Variants in TRHDE observed in about 807,000 individuals in gnomAD.
TRHDE encodes the protein thyrotropin-releasing hormone-degrading ectoenzyme.
Under a neutral mutation model 125.7 loss-of-function variants are expected in TRHDE, and 72 were observed. The ratio of observed to expected loss-of-function variants is 0.57; its 90% confidence interval spans 0.47 to 0.70. The LOEUF is 0.70. TRHDE is among the 30% of genes least tolerant of loss of function. TRHDE has a pLI of 0.00. For missense variants in TRHDE, 1,110 were observed against 1,327.1 expected, an observed-to-expected ratio of 0.84 and a Z score of 2.54; for synonymous variants, 509 against 509.1, an observed-to-expected ratio of 1.00 and a Z score of 0.00.
intron 2 of TRHDE, among the ~76,000 whole-genome samples, chr12:72,266,468 T>C (rs1408882609): frequency 6.6e-6 from 1 of 151,728 alleles, no homozygotes; most frequent in Non-Finnish European, 1.5e-5. Context: ...AATAATAATG[T>C]TGTCAGGTTT....
intron 2 of TRHDE, among the ~76,000 whole-genome samples, chr12:72,360,112 G>T (rs1417995992): frequency 1.3e-5 from 2 of 151,706 alleles, no homozygotes; most frequent in Non-Finnish European, 2.9e-5. Context: ...ATGAATGGAA[G>T]GCCTGACTTT....
chr12:72,592,708 C>CTT (rs35446767), intron 12 of TRHDE, among the ~76,000 whole-genome samples: 147 of 144,602 alleles, frequency 1.0e-3, no homozygotes, highest in African/African-American at 3.1e-3. Context: ...TCTTTTCTTT[C>CTT]TTTTTTTTTT....
intron 6 of TRHDE, among the ~76,000 whole-genome samples, chr12:72,521,356 G>A (rs1879184866): frequency 6.6e-6 from 1 of 152,048 alleles, no homozygotes; most frequent in Non-Finnish European, 1.5e-5. Flanking sequence ...CTGAATTTGA[G>A]CCAACAGCAT....
At chr12:72,439,508 T>G (rs1313625778) in intron 3 of TRHDE, among the ~76,000 whole-genome samples, 1 of 150,936 alleles carries the variant, frequency 6.6e-6, no homozygotes, top group African/African-American at 2.4e-5. Context: ...GATCTTTCAC[T>G]TCCTTGGTTA....
chr12:72,242,370 G>A (rs573528429), intron 2 of TRHDE, among the ~76,000 whole-genome samples: 87 of 152,254 alleles, frequency 5.7e-4, no homozygotes, highest in African/African-American at 1.8e-3. Context: ...CAACTCCACG[G>A]CCAAGCCTCA....
In TRHDE at chr12:72,156,922, G is replaced by A. The variant is rs568825150; in HGVS notation, n.279+51170G>A. 1.2e-4 allele frequency among the ~76,000 whole-genome samples: 18 copies of A among 152,222 alleles called. No individual in the cohort carries two copies. In the South Asian group the frequency reaches 2.7e-3, roughly 23 times the overall value. On this transcript the variant is annotated intron_variant and non_coding_transcript_variant, in intron 2 of 4. Coordinates refer to the TRHDE transcript ENST00000548156. ...GCATCACATAATAGAATGTTTGGTA[G>A]CAATGCATGTGAAAATTAAAGCAGG...
intron 2 of TRHDE, among the ~76,000 whole-genome samples, chr12:72,309,033 G>A (rs998900212): frequency 2.6e-5 from 4 of 151,866 alleles, no homozygotes; most frequent in African/African-American, 7.3e-5. Flanking sequence ...GTACGGGATG[G>A]CACCCTTTTA....
intron 5 of TRHDE, among the ~76,000 whole-genome samples, chr12:72,473,516 T>A (rs1401293110): frequency 3.9e-5 from 6 of 152,002 alleles, no homozygotes; most frequent in South Asian, 4.1e-4. Context: ...ACAGAATATA[T>A]CAAACAGAAA....
chr12:72,148,819 A>T (rs1175294157), intron 2 of TRHDE, among the ~76,000 whole-genome samples: 1 of 152,218 alleles, frequency 6.6e-6, no homozygotes, highest in Non-Finnish European at 1.5e-5. Flanking sequence ...ATTTGACTAC[A>T]TCCTGCAACT....
intron 6 of TRHDE, among the ~76,000 whole-genome samples, chr12:72,523,479 T>C (rs1443246625): frequency 1.3e-5 from 2 of 152,182 alleles, no homozygotes; most frequent in Middle Eastern, 3.2e-3. Flanking sequence ...TGCTTACTTA[T>C]AGGTTCCTAG....
chr12:72,401,674 C>T (rs1242716123), intron 3 of TRHDE, among the ~76,000 whole-genome samples: 5 of 152,120 alleles, frequency 3.3e-5, no homozygotes, highest in Non-Finnish European at 7.3e-5. Flanking sequence ...TTTTTTATAT[C>T]ATCTTATAAT....
At chr12:72,274,947 G>A (rs1689395746) in intron 1 of TRHDE, 1 of 152,196 alleles carries the variant, frequency 6.6e-6, no homozygotes, top group South Asian at 2.1e-4. Context: ...TTCCCACATT[G>A]CTAAGATAAC....
At chr12:72,125,739 A>G (rs1875698255) in intron 2 of TRHDE, among the ~76,000 whole-genome samples, 1 of 152,250 alleles carries the variant, frequency 6.6e-6, no homozygotes. Context: ...ACTAGACAGA[A>G]TAGTTTAGCC....
chr12:72,583,089 CATTT>C (rs1371453039), intron 12 of TRHDE, among the ~76,000 whole-genome samples: 1 of 152,146 alleles, frequency 6.6e-6, no homozygotes, highest in African/African-American at 2.4e-5. Flanking sequence ...GTATTAGATT[CATTT>C]GAGAGTGGCG....
chr12:72,634,662 C>T (rs1200201254), intron 15 of TRHDE, among the ~76,000 whole-genome samples: 2 of 143,782 alleles, frequency 1.4e-5, no homozygotes, highest in African/African-American at 5.1e-5. Context: ...TCCCCCCAAC[C>T]CACAACAGTC....
At chr12:72,246,549 G>C (rs549222328) in intron 2 of TRHDE, among the ~76,000 whole-genome samples, 1 of 152,074 alleles carries the variant, frequency 6.6e-6, no homozygotes, top group Non-Finnish European at 1.5e-5. Context: ...GCAGTATAGA[G>C]AGGTCTTCCT....
intron 2 of TRHDE, among the ~76,000 whole-genome samples, chr12:72,165,209 T>A (rs1014332818): frequency 2.0e-5 from 3 of 152,184 alleles, no homozygotes; most frequent in Admixed American, 6.5e-5. Flanking sequence ...ATTCCTTCTT[T>A]GTTACACCAA....
At chr12:72,355,015 C>G (rs1450039911) in intron 2 of TRHDE, among the ~76,000 whole-genome samples, 1 of 151,312 alleles carries the variant, frequency 6.6e-6, no homozygotes, top group Non-Finnish European at 1.5e-5. Context: ...GTCATTTGGC[C>G]AATATTGATT....
chr12:72,552,424 A>G (rs1195118847), intron 7 of TRHDE, among the ~76,000 whole-genome samples: 2 of 152,132 alleles, frequency 1.3e-5, no homozygotes, highest in East Asian at 3.9e-4. Context: ...ATCAAGAATG[A>G]TTCTGAGGTT....
Sources: gnomAD v4.1 joint callset for allele counts (sites outside exome capture counted in the v4.1 genomes callset) on GRCh38, gnomAD v4.1.1 for gene constraint, MANE v1.5 for transcripts, NCBI Gene and HGNC (gene_info 2026-07-23, HGNC 2026-07-21) for gene names.